Variants in GLRA3 observed in about 807,000 individuals in gnomAD.
GLRA3 encodes the protein glycine receptor alpha 3, also known as glycine receptor subunit alpha-3.
Under a neutral mutation model 60.4 loss-of-function variants are expected in GLRA3, and 44 were observed. The observed-to-expected ratio is 0.73, with a 90% CI of 0.57 to 0.94. The LOEUF (loss-of-function observed/expected upper bound fraction) is 0.94. Ranked by LOEUF, GLRA3 falls within the 40% of genes least tolerant of loss-of-function variation. The probability of loss-of-function intolerance (pLI) is 0.00; values close to 1 mark genes in which losing one functional copy is unlikely to be tolerated. For synonymous variants in GLRA3, 223 were observed against 192.9 expected (o/e 1.16, Z -1.29); for missense variants, 508 against 564.6 (o/e 0.90, Z 1.02).
rs1481446062 is a variant in GLRA3, at chr4:174,728,616, T to C, written c.350A>G (p.Asp117Gly). ...AYSEYPDDSL[D>G]LDPSMLDSIW... The stretch of plus-strand genomic sequence containing the variant: ...GGAGTCCAACATGGAGGGGTCGAGG[T>C]CTAAAGAGTCGTCAGGATATTCACT... Residue 117 changes from aspartate (D) to glycine (G), a missense_variant, in exon 4 of 10, where the codon GAC becomes GGC. Asp to Gly is a moderately conservative substitution (Grantham distance 94). Around this residue, in one of 3 missense-constraint regions of GLRA3, gnomAD observed 329 missense variants for 349.3 expected, o/e 0.94. Transcript: ENST00000274093. The C allele has an allele frequency of 6.2e-7, 1 of 1,612,506 alleles. No individual in the cohort carries two copies. The highest frequency in any genetic ancestry group is 8.5e-7 in the Non-Finnish European group (1 of 1,178,628).
At chr4:174,680,853 T>C (rs1044680818) in intron 6 of GLRA3, among the ~76,000 whole-genome samples, 2 of 152,216 alleles carry the variant, frequency 1.3e-5, no homozygotes, top group African/African-American at 2.4e-5. Context: ...TTTATAAATG[T>C]GGTTCTTAGG....
intron 1 of GLRA3, among the ~76,000 whole-genome samples, chr4:174,813,053 A>G (rs1028366026): frequency 1.3e-5 from 2 of 152,188 alleles, no homozygotes; most frequent in Non-Finnish European, 2.9e-5. Context: ...ACATGTAAAG[A>G]AAATGGTTCA....
chr4:174,828,981 G>A lies in GLRA3; in HGVS notation c.-170C>T. The A allele has an allele frequency of 3.3e-6, 2 of 602,102 alleles. No homozygotes were observed. The highest frequency in any genetic ancestry group is 2.8e-5 in the Admixed American group (1 of 36,162). The allele number at this position is 602,102 out of a possible 1,614,324, so 37.3% of individuals were successfully genotyped here. ...CCCGCAGTATGCGGACCCCTTCTCA[G>A]CATTGAGCAGAAGTGGAGAGTCACA... On this transcript the variant is annotated 5_prime_UTR_variant, in exon 1 of 10. Transcript: ENST00000274093.
At chr4:174,777,596 C>T (rs1738651056) in intron 2 of GLRA3, among the ~76,000 whole-genome samples, 1 of 151,966 alleles carries the variant, frequency 6.6e-6, no homozygotes, top group Non-Finnish European at 1.5e-5. Flanking sequence ...GATTTTAGGG[C>T]AGTGAAATTA....
At chr4:174,717,324 A>G (rs1350872940) in intron 4 of GLRA3, among the ~76,000 whole-genome samples, 5 of 148,892 alleles carry the variant, frequency 3.4e-5, no homozygotes, top group African/African-American at 4.9e-5. Flanking sequence ...AAGAAAGAAG[A>G]AACAAAGAAA....
At chr4:174,741,740 C>T (rs6827308) in intron 3 of GLRA3, among the ~76,000 whole-genome samples, 24,117 of 151,962 alleles carry the variant, frequency 0.16, 2,508 homozygotes, top group African/African-American at 0.3. Context: ...TTTAGGTTTG[C>T]GGTCAACTAC....
At chr4:174,797,126 A>G (rs1739603629) in intron 1 of GLRA3, among the ~76,000 whole-genome samples, 1 of 152,174 alleles carries the variant, frequency 6.6e-6, no homozygotes, top group Admixed American at 6.5e-5. Flanking sequence ...TAAGTTTTTT[A>G]AAACTCAGGG....
intron 7 of GLRA3, among the ~76,000 whole-genome samples, chr4:174,662,825 T>TG (rs1300159418): frequency 7.3e-6 from 1 of 137,038 alleles, no homozygotes; most frequent in East Asian, 2.2e-4. Flanking sequence ...TATTCCTTGT[T>TG]TTTTTTTTTT....
intron 5 of GLRA3, among the ~76,000 whole-genome samples, chr4:174,694,201 T>C (rs893585537): frequency 3.9e-5 from 6 of 152,150 alleles, no homozygotes; most frequent in Non-Finnish European, 8.8e-5. Flanking sequence ...GTAAAAAACA[T>C]ATTCAGAATG....
intron 4 of GLRA3, among the ~76,000 whole-genome samples, chr4:174,722,068 A>G (rs1296734259): frequency 2.6e-5 from 4 of 151,994 alleles, no homozygotes; most frequent in Non-Finnish European, 4.4e-5. Flanking sequence ...CTATATCTAT[A>G]TCTGTATCTA....
chr4:174,752,916 C>G (rs985550308), intron 3 of GLRA3, among the ~76,000 whole-genome samples: 1 of 152,072 alleles, frequency 6.6e-6, no homozygotes, highest in African/African-American at 2.4e-5. Context: ...TGAAAAGATG[C>G]TGCAGATTAT....
chr4:174,782,203 C>G (rs1163238819), intron 2 of GLRA3, among the ~76,000 whole-genome samples: 23 of 148,034 alleles, frequency 1.6e-4, no homozygotes, highest in African/African-American at 5.4e-4. Flanking sequence ...ATAAACAGAG[C>G]CAAAGACAAA....
chr4:174,687,529 C>T (rs976542419), intron 5 of GLRA3, among the ~76,000 whole-genome samples: 12 of 152,042 alleles, frequency 7.9e-5, no homozygotes, highest in African/African-American at 2.9e-4. Context: ...GTTACTGTGC[C>T]TAGGTATTTG....
intron 4 of GLRA3, among the ~76,000 whole-genome samples, chr4:174,718,959 CT>C (rs10656765): frequency 6.2e-5 from 5 of 81,076 alleles, no homozygotes; most frequent in East Asian, 4.1e-4. Flanking sequence ...AGATTTCGTG[CT>C]TTTTTTTTTT....
chr4:174,643,581 C>T lies in GLRA3; in HGVS notation c.*205G>A, dbSNP rs1158628153. The T allele has an allele frequency of 2.1e-5, 26 of 1,235,822 alleles. No individual in the cohort carries two copies. The highest frequency in any genetic ancestry group is 2.3e-5 in the Non-Finnish European group (23 of 982,992). 76.6% of individuals were successfully genotyped at this position (1,235,822 alleles called of 1,614,324 possible). A position where few individuals can be genotyped will look rare whatever the true frequency, so the allele number is the denominator to read the frequency against. ...CCTGGAATTAATATGAAATAGAATCCCCTAATAAATATTTTATATTCATTA... is the reference window on the plus strand; with the variant it reads ...CCTGGAATTAATATGAAATAGAATCTCCTAATAAATATTTTATATTCATTA... On this transcript the variant is annotated 3_prime_UTR_variant, in exon 10 of 10. Coordinates refer to ENST00000274093, the MANE Select transcript of GLRA3 (RefSeq NM_006529.4).
At chr4:174,664,937 T>C (rs1026226595) in intron 7 of GLRA3, among the ~76,000 whole-genome samples, 7 of 152,152 alleles carry the variant, frequency 4.6e-5, no homozygotes, top group Non-Finnish European at 1.0e-4. Context: ...ACAAGCTCTA[T>C]TATTAATGGA....
chr4:174,643,926 T>A lies in GLRA3; in HGVS notation c.1255A>T (p.Lys419Ter). 6.2e-7 allele frequency: 1 copy of A among 1,614,102 alleles called. No individual in the cohort carries two copies. Among genetic ancestry groups the A allele is most frequent in the Non-Finnish European group, 8.5e-7 (1 of 1,180,000 alleles). ...VMPKSPDEMR[K>*]VFIDRAKKID... ...TTCTTGGCCCGGTCGATAAAGACCT[T>A]CCTCATTTCATCAGGACTTTTTGGC... The change falls in exon 10 of 10, where the codon AAG (lysine) becomes TAG (stop). Residue 419 changes from lysine to a stop codon, truncating the protein, a stop_gained. Transcript: ENST00000274093. LOFTEE classifies it high-confidence loss of function.
intron 3 of GLRA3, among the ~76,000 whole-genome samples, chr4:174,755,851 C>A (rs925057264): frequency 1.3e-5 from 2 of 151,796 alleles, no homozygotes; most frequent in African/African-American, 4.8e-5. Flanking sequence ...CAGAAAGCAG[C>A]AAAAATATCT....
At chr4:174,776,653 T>G (rs1377967881) in intron 2 of GLRA3, among the ~76,000 whole-genome samples, 1 of 152,082 alleles carries the variant, frequency 6.6e-6, no homozygotes, top group Non-Finnish European at 1.5e-5. Context: ...TTTGGAGTGT[T>G]TGCCTCAAAG....
Sources: allele counts gnomAD v4.1 joint callset (sites outside exome capture counted in the v4.1 genomes callset), GRCh38; gene constraint gnomAD v4.1.1; regional missense constraint gnomAD v4.1.1; transcripts MANE v1.5; gene names NCBI Gene and HGNC (gene_info 2026-07-23, HGNC 2026-07-21).